OR6N1: variants seen among roughly 807,000 people sequenced by gnomAD.
OR6N1 encodes the protein olfactory receptor 6N1.
For synonymous variants in OR6N1, 170 were observed against 150.7 expected (o/e 1.13, Z -0.94); for missense variants, 394 against 371.7 (o/e 1.06, Z -0.49).
chr1:158,830,599 G>GA, the OR6N1 span, among the ~76,000 whole-genome samples: 1,178 of 151,178 alleles, frequency 7.8e-3, 17 homozygotes, highest in African/African-American at 0.027. Flanking sequence ...TTCTTCACAG[G>GA]AAAAAAAAAT....
At chr1:158,767,792 T>C (rs943370346) in intron 1 of OR6N1, among the ~76,000 whole-genome samples, 3 of 152,176 alleles carry the variant, frequency 2.0e-5, no homozygotes, top group African/African-American at 7.2e-5. Context: ...AGAAAACTCT[T>C]CCAAGAGTCG....
At chr1:158,777,183 A>G, upstream of OR6N1, 2 of 1,614,154 alleles carry the variant, frequency 1.2e-6, no homozygotes, top group Middle Eastern at 1.6e-4. Flanking sequence ...ACAGGAAGCC[A>G]CAAGTCCAAC....
chr1:158,776,759 G>A (rs144962739), upstream of OR6N1: 31 of 1,613,752 alleles, frequency 1.9e-5, no homozygotes, highest in Middle Eastern at 4.9e-4. Flanking sequence ...TCCTTGTTAC[G>A]AAGACTGTAG....
At position 158,765,730 on chromosome 1, in the gene OR6N1, C is replaced by T. The variant is rs780895783; in HGVS notation, c.*14G>A. 1.9e-6 allele frequency: 3 copies of T among 1,601,160 alleles called. No individual in the cohort carries two copies. Among genetic ancestry groups the T allele is most frequent in the South Asian group, 1.1e-5 (1 of 90,326 alleles). On this transcript the variant is annotated 3_prime_UTR_variant, in exon 2 of 2. Coordinates refer to ENST00000641846, the MANE Select transcript of OR6N1 (RefSeq NM_001005185.2). ...TATCCTCAGGCCCGGCCTTGGCCTA[C>T]TCTCAGCCCCAACTCATGCCAATAT...
chr1:158,833,701 A>C, the OR6N1 span, among the ~76,000 whole-genome samples: 3 of 152,154 alleles, frequency 2.0e-5, no homozygotes, highest in African/African-American at 7.2e-5. Context: ...CATTTCATGT[A>C]TTTACCATAA....
chr1:158,833,835 A>G, the OR6N1 span, among the ~76,000 whole-genome samples: 3 of 152,320 alleles, frequency 2.0e-5, no homozygotes, highest in Admixed American at 1.3e-4. Flanking sequence ...TTTATTTGAG[A>G]TCACACTTTC....
Position 158,768,563 on chromosome 1 carries a change from AC to A in OR6N1, c.-18-1864del, listed in dbSNP as rs1430265813. Among the ~76,000 whole-genome samples the A allele has an allele frequency of 9.8e-3, 1,490 of 152,272 alleles. 30 individuals carry two copies. Among genetic ancestry groups the A allele is most frequent in the African/African-American group, 0.034 (1,410 of 41,550 alleles). The stretch of plus-strand genomic sequence containing the variant: ...CAGATCTCCCTACTTGCATTTGTTC[AC>A]TTGTAGCCTCATCTCAACACACCAG... On this transcript the variant is annotated intron_variant, in intron 1 of 1. Transcript: ENST00000641846.
chr1:158,767,794 C>A (rs1456292005), intron 1 of OR6N1, among the ~76,000 whole-genome samples: 1 of 152,170 alleles, frequency 6.6e-6, no homozygotes, highest in African/African-American at 2.4e-5. Context: ...AAAACTCTTC[C>A]AAGAGTCGGC....
chr1:158,801,677 G>T, the OR6N1 span, among the ~76,000 whole-genome samples: 1 of 152,068 alleles, frequency 6.6e-6, no homozygotes, highest in African/African-American at 2.4e-5. Flanking sequence ...GTTGTATAAA[G>T]CCCCTCACCA....
At chr1:158,809,025 G>C in the OR6N1 span, 1 of 152,848 alleles carries the variant, frequency 6.5e-6, no homozygotes, top group Non-Finnish European at 1.5e-5. Flanking sequence ...CCTAAGGAAT[G>C]AAAGACATAG....
chr1:158,790,882 C>A, the OR6N1 span, among the ~76,000 whole-genome samples: 1 of 152,070 alleles, frequency 6.6e-6, no homozygotes, highest in Non-Finnish European at 1.5e-5. Flanking sequence ...GTGATTGGAC[C>A]ATGGAGGTGG....
At chr1:158,807,545 G>C in the OR6N1 span, among the ~76,000 whole-genome samples, 1 of 152,204 alleles carries the variant, frequency 6.6e-6, no homozygotes, top group African/African-American at 2.4e-5. Flanking sequence ...GATCAGAACT[G>C]CAGGTTTTTT....
chr1:158,775,887 T>C (rs1657580238), upstream of OR6N1: 1 of 152,150 alleles, frequency 6.6e-6, no homozygotes, highest in African/African-American at 2.4e-5. Context: ...AAGAAATCAA[T>C]TTTGACATGT....
the OR6N1 span, among the ~76,000 whole-genome samples, chr1:158,812,624 G>C: frequency 2.0e-4 from 30 of 152,106 alleles, no homozygotes; most frequent in Admixed American, 2.0e-3. Flanking sequence ...GCTAATATTT[G>C]AAAAAGCCTA....
chr1:158,776,577 A>G (rs1657598692), upstream of OR6N1: 3 of 619,504 alleles, frequency 4.8e-6, no homozygotes, highest in Admixed American at 8.3e-5. Flanking sequence ...AAGTCTTTGA[A>G]GAGGTGAAAG....
the OR6N1 span, among the ~76,000 whole-genome samples, chr1:158,793,999 A>T: frequency 6.6e-6 from 1 of 152,204 alleles, no homozygotes; most frequent in African/African-American, 2.4e-5. Flanking sequence ...TATTCAGATT[A>T]GAAAGGCACT....
the OR6N1 span, among the ~76,000 whole-genome samples, chr1:158,823,162 G>C: frequency 4.4e-3 from 664 of 152,182 alleles, 3 homozygotes; most frequent in African/African-American, 0.015. Context: ...ATATTGGCCT[G>C]AATATTTCTT....
At chr1:158,796,144 C>T in the OR6N1 span, 22,274 of 152,230 alleles carry the variant, frequency 0.15, 1,763 homozygotes, top group Middle Eastern at 0.21. Flanking sequence ...AACCCATCAT[C>T]TCCAGCCTCA....
At chr1:158,838,557 A>C in the OR6N1 span, among the ~76,000 whole-genome samples, 1 of 152,060 alleles carries the variant, frequency 6.6e-6, no homozygotes, top group Non-Finnish European at 1.5e-5. Flanking sequence ...AATGTGTCAT[A>C]GTGTAAGTTT....
Sources: allele counts gnomAD v4.1 joint callset (sites outside exome capture counted in the v4.1 genomes callset), GRCh38; gene constraint gnomAD v4.1.1; transcripts MANE v1.5; gene names NCBI Gene and HGNC (gene_info 2026-07-23, HGNC 2026-07-21).